Variants in PCSK9 observed in about 807,000 individuals in gnomAD.
PCSK9 encodes convertase subtilisin/kexin type 9 preproprotein.
PCSK9 carries 57 observed loss-of-function variants against 62.1 expected under a neutral mutation model. The observed-to-expected ratio is 0.92, with a 90% CI of 0.74 to 1.14. The LOEUF (loss-of-function observed/expected upper bound fraction) is 1.14. PCSK9 is among the 50% of genes most tolerant of loss of function. The pLI is 0.00. For synonymous variants in PCSK9, 387 were observed against 409.4 expected, an observed-to-expected ratio of 0.95 and a Z score of 0.66; for missense variants, 870 against 959.8, an observed-to-expected ratio of 0.91 and a Z score of 1.24.
intron 2 of PCSK9, among the ~76,000 whole-genome samples, chr1:55,044,856 T>G (rs748301876): frequency 2.0e-5 from 3 of 152,184 alleles, no homozygotes; most frequent in Non-Finnish European, 2.9e-5. Context: ...CAGCTCAGCA[T>G]ACCGTGGCTG....
At chr1:55,041,241 G>A (rs1644596361) in intron 1 of PCSK9, among the ~76,000 whole-genome samples, 1 of 152,156 alleles carries the variant, frequency 6.6e-6, no homozygotes, top group African/African-American at 2.4e-5. Context: ...CACAGCTCCT[G>A]GGGCAGAGGG....
intron 5 of PCSK9, among the ~76,000 whole-genome samples, chr1:55,054,868 G>A (rs895689609): frequency 1.3e-5 from 2 of 152,190 alleles, no homozygotes; most frequent in African/African-American, 2.4e-5. Context: ...AGCCGGGCGT[G>A]GTGGCAGGCG....
chr1:55,057,369 G>T lies in PCSK9; in HGVS notation c.1035G>T (p.Pro345=). The T allele has an allele frequency of 6.2e-7, 1 of 1,614,098 alleles. No homozygotes were observed. The part of the protein sequence containing the change: ...TVGATNAQDQ[P]VTLGTLGTNF... ...GGGCCACCAATGCCCAAGACCAGCC[G>T]GTGACCCTGGGGACTTTGGGGACCA... The change falls in exon 7 of 12, where the codon CCG becomes CCT. Residue 345 remains proline, a synonymous_variant. Transcript: ENST00000302118.
At chr1:55,045,212 G>A (rs1644625194) in intron 2 of PCSK9, among the ~76,000 whole-genome samples, 1 of 152,094 alleles carries the variant, frequency 6.6e-6, no homozygotes, top group Non-Finnish European at 1.5e-5. Flanking sequence ...TCAGAGGAGA[G>A]TAGGCCAAGC....
At chr1:55,044,156 G>A in intron 2 of PCSK9, 122 bp downstream of exon 2, 1 of 1,167,092 alleles carries the variant, frequency 8.6e-7, no homozygotes, top group Non-Finnish European at 1.3e-6. Context: ...TATGTATTGA[G>A]CACTTATCGG....
At chr1:55,046,424 T>A in intron 2 of PCSK9, 99 bp from the exon 3 acceptor site, 1 of 1,568,230 alleles carries the variant, frequency 6.4e-7, no homozygotes, top group South Asian at 1.1e-5. Flanking sequence ...TGGGCTGGGA[T>A]GTGGGGACAG....
chr1:55,050,870 A>G (rs949840915), intron 3 of PCSK9: 1 of 322,264 alleles, frequency 3.1e-6, no homozygotes, highest in African/African-American at 2.2e-5. Flanking sequence ...TGTAGATGTA[A>G]TTAAGCATCT....
Position 55,056,074 on chromosome 1 carries a change from G to T in PCSK9, c.881G>T (p.Ser294Ile). ...VVLLPLAGGY[S>I]RVLNAACQRL... ...CTGCTGCCCCTGGCGGGTGGGTACA[G>T]CCGCGTCCTCAACGCCGCCTGCCAG... The change falls in exon 6 of 12, where the codon AGC (serine) becomes ATC (isoleucine). Residue 294 changes from serine (S) to isoleucine (I), a missense_variant. Coordinates refer to ENST00000302118, the MANE Select transcript of PCSK9 (RefSeq NM_174936.4). 6.3e-7 allele frequency: 1 copy of T among 1,599,820 alleles called. No homozygotes were observed. The highest frequency in any genetic ancestry group is 8.5e-7 in the Non-Finnish European group (1 of 1,171,046).
At position 55,039,562 on chromosome 1, in the gene PCSK9, G is replaced by A; in HGVS notation, c.-276G>A. The A allele has an allele frequency of 1.8e-6, 1 of 561,904 alleles. No homozygotes were observed. 34.8% of individuals were successfully genotyped at this position (561,904 alleles called of 1,614,324 possible). On this transcript the variant is annotated 5_prime_UTR_variant, in exon 1 of 12. Transcript: ENST00000302118. The stretch of plus-strand genomic sequence containing the variant: ...AAGGTTTCCGCAGCGACGTCGAGGC[G>A]CTCATGGTTGCAGGCGGGCGCCGCC...
chr1:55,063,251 C>A, intron 11 of PCSK9, 118 bp from the exon 12 acceptor site: 2 of 1,105,972 alleles, frequency 1.8e-6, no homozygotes, highest in Non-Finnish European at 1.3e-6. Context: ...GGGCTCTGAG[C>A]CAGCGAGGGC....
chr1:55,061,251 TGAG>T, intron 10 of PCSK9, 121 bp from the exon 11 acceptor site: 2 of 1,117,810 alleles, frequency 1.8e-6, no homozygotes, highest in Admixed American at 2.8e-5. Flanking sequence ...TTTTTTTCTT[TGAG>T]TTGTTTCTAG....
At chr1:55,044,084 G>C (rs771641933) in intron 2 of PCSK9, 50 bp downstream of exon 2, 4 of 1,593,620 alleles carry the variant, frequency 2.5e-6, no homozygotes, top group Non-Finnish European at 3.4e-6. Context: ...CTGGGCCACT[G>C]CATATACACT....
Position 55,039,872 on chromosome 1 carries a change from C to T in PCSK9, c.35C>T (p.Pro12Leu), listed in dbSNP as rs760558712. ...GTCAGCTCCAGGCGGTCCTGGTGGC[C>T]GCTGCCACTGCTGCTGCTGCTGCTG... is the stretch of plus-strand genomic sequence containing the variant. ...GTVSSRRSWW[P>L]LPLLLLLLLL... The change falls in exon 1 of 12, where the codon CCG (proline) becomes CTG (leucine). Residue 12 changes from proline (P) to leucine (L), a missense_variant. By Grantham distance (98) the Pro-to-Leu change is moderately conservative. Coordinates refer to ENST00000302118, the MANE Select transcript of PCSK9 (RefSeq NM_174936.4). The T allele has an allele frequency of 3.0e-5, 47 of 1,561,680 alleles. No individual in the cohort carries two copies. In the South Asian group the frequency reaches 4.8e-4, roughly 16 times the overall value.
chr1:55,050,150 C>T (rs773746049), intron 3 of PCSK9, among the ~76,000 whole-genome samples: 3 of 152,246 alleles, frequency 2.0e-5, no homozygotes, highest in Non-Finnish European at 2.9e-5. Flanking sequence ...GTTGTCCCGT[C>T]AGCCTGGAAG....
At chr1:55,053,048 C>T in intron 5 of PCSK9, among the ~76,000 whole-genome samples, 1 of 152,202 alleles carries the variant, frequency 6.6e-6, no homozygotes, top group East Asian at 1.9e-4. Flanking sequence ...ATGACCTTTC[C>T]ACAGTTCCAC....
chr1:55,043,316 C>T (rs1644609596), intron 1 of PCSK9, among the ~76,000 whole-genome samples: 1 of 152,192 alleles, frequency 6.6e-6, no homozygotes, highest in Non-Finnish European at 1.5e-5. Context: ...TCTTGACTTT[C>T]CCAGCAGGCC....
At chr1:55,042,652 G>A (rs1644605960) in intron 1 of PCSK9, among the ~76,000 whole-genome samples, 1 of 152,208 alleles carries the variant, frequency 6.6e-6, no homozygotes, top group African/African-American at 2.4e-5. Context: ...ATGGAGTTTG[G>A]ACTTGATTCA....
chr1:55,044,005 G>C lies in PCSK9; in HGVS notation c.370G>C (p.Val124Leu). 1 of 1,614,204 alleles carries C rather than the reference G, an allele frequency of 6.2e-7. No individual in the cohort carries two copies. Among genetic ancestry groups the C allele is most frequent in the Non-Finnish European group, 8.5e-7 (1 of 1,180,052 alleles). Residue 124 changes from valine to leucine, a missense_variant, in exon 2 of 12, where the codon GTG (valine) becomes CTG (leucine). Physicochemically the swap from Val to Leu is conservative, Grantham distance 32. Transcript: ENST00000302118. ...VFHGLLPGFL[V>L]KMSGDLLELA... is the part of the protein sequence containing the mutation. ...CCATGGCCTTCTTCCTGGCTTCCTG[G>C]TGAAGATGAGTGGCGACCTGCTGGA...
At chr1:55,061,676 G>T in intron 11 of PCSK9, 120 bp downstream of exon 11, 1 of 1,288,752 alleles carries the variant, frequency 7.8e-7, no homozygotes, top group East Asian at 2.5e-5. Context: ...TTGCCAGGTA[G>T]ATGCTGTGGG....
Sources: allele counts gnomAD v4.1 joint callset (sites outside exome capture counted in the v4.1 genomes callset), GRCh38; gene constraint gnomAD v4.1.1; transcripts MANE v1.5; gene names NCBI Gene and HGNC (gene_info 2026-07-23, HGNC 2026-07-21).